The following GLDN variants were observed in gnomAD, a reference collection of about 807,000 sequenced individuals.
GLDN encodes the protein gliomedin.
In GLDN, 47 loss-of-function variants were observed where a neutral mutation model predicts 56.5. The ratio of observed to expected loss-of-function variants is 0.83; its 90% CI spans 0.66 to 1.06. The LOEUF (loss-of-function observed/expected upper bound fraction) is 1.06, where lower values mean the gene tolerates loss of function less well. Among genes scored for constraint, GLDN ranks in the 50% least tolerant of loss-of-function variants. The pLI is 0.00. For synonymous variants in GLDN, 332 were observed against 278.8 expected (o/e 1.19, Z -1.90); for missense variants, 782 against 714.3 (o/e 1.09, Z -1.08).
At chr15:51,345,589 G>A (rs906930911) in intron 1 of GLDN, among the ~76,000 whole-genome samples, 2 of 152,200 alleles carry the variant, frequency 1.3e-5, no homozygotes, top group Non-Finnish European at 2.9e-5. Context: ...GGGAATCAAT[G>A]TATTCTTTCT....
intron 2 of GLDN, among the ~76,000 whole-genome samples, chr15:51,381,202 A>G (rs970799976): frequency 2.0e-5 from 3 of 152,350 alleles, no homozygotes; most frequent in Admixed American, 1.3e-4. Flanking sequence ...GCTCTCACCA[A>G]CAGTACTGAT....
chr15:51,380,542 G>A (rs1332109719), intron 2 of GLDN, among the ~76,000 whole-genome samples: 2 of 152,174 alleles, frequency 1.3e-5, no homozygotes, highest in East Asian at 1.9e-4. Context: ...CTGAGAGGAC[G>A]GAGGACATCC....
chr15:51,355,531 T>C (rs2037159082), intron 1 of GLDN, among the ~76,000 whole-genome samples: 1 of 150,000 alleles, frequency 6.7e-6, no homozygotes, highest in African/African-American at 2.4e-5. Context: ...CTTTCTTTTT[T>C]TTTTTTTTTT....
At chr15:51,357,318 T>A (rs2141058878) in intron 1 of GLDN, among the ~76,000 whole-genome samples, 1 of 152,360 alleles carries the variant, frequency 6.6e-6, no homozygotes, top group South Asian at 2.1e-4. Flanking sequence ...AGACCATGAA[T>A]CCTTCAATTG....
At chr15:51,391,098 A>C (rs1490934571) in intron 4 of GLDN, among the ~76,000 whole-genome samples, 1 of 152,246 alleles carries the variant, frequency 6.6e-6, no homozygotes, top group Non-Finnish European at 1.5e-5. Context: ...GGGCAAAGGC[A>C]GACTCTATGT....
intron 1 of GLDN, among the ~76,000 whole-genome samples, chr15:51,344,355 C>T (rs920356028): frequency 5.9e-5 from 9 of 152,166 alleles, no homozygotes; most frequent in East Asian, 3.8e-4. Context: ...TGCTTCAGGA[C>T]GAGGAGCCAA....
At chr15:51,374,497 C>G (rs1021722209) in intron 1 of GLDN, among the ~76,000 whole-genome samples, 1 of 152,094 alleles carries the variant, frequency 6.6e-6, no homozygotes, top group African/African-American at 2.4e-5. Context: ...GGAGTTCAGT[C>G]CCATTTCTTC....
chr15:51,404,437 A>G lies in GLDN; in HGVS notation c.1339A>G (p.Ile447Val), dbSNP rs746170404. 6.2e-7 allele frequency: 1 copy of G among 1,614,188 alleles called. No homozygotes were observed. The highest frequency in any genetic ancestry group is 1.7e-5 in the Admixed American group (1 of 60,016). Residue 447 changes from isoleucine (I) to valine (V), a missense_variant, in exon 10 of 10, where the codon ATT (isoleucine) becomes GTT (valine). Physicochemically the swap from Ile to Val is conservative, Grantham distance 29 (BLOSUM62 3). Coordinates refer to ENST00000335449, the MANE Select transcript of GLDN (RefSeq NM_181789.4). ...TGCGTCAAGTGTGGACGGCTCGAGC[A>G]TTCTTGTAGCACAACTGGATGAGAG... ...IYASSVDGSS[I>V]LVAQLDERTF...
intron 4 of GLDN, among the ~76,000 whole-genome samples, chr15:51,387,706 G>A (rs1304121416): frequency 2.0e-5 from 3 of 152,096 alleles, no homozygotes; most frequent in Non-Finnish European, 4.4e-5. Flanking sequence ...GTGTGGGAGT[G>A]CATTCCACAA....
At chr15:51,354,853 T>C (rs2037144276) in intron 1 of GLDN, among the ~76,000 whole-genome samples, 1 of 152,110 alleles carries the variant, frequency 6.6e-6, no homozygotes, top group African/African-American at 2.4e-5. Context: ...GTTGGTGCAA[T>C]GCAGGAAAGA....
rs190096090 is a variant in GLDN, at chr15:51,378,859, G to A, written c.415+1359G>A. 2.7e-3 allele frequency among the ~76,000 whole-genome samples: 417 copies of A among 152,344 alleles called. 1 individual carries two copies. The highest frequency in any genetic ancestry group is 9.8e-3 in the African/African-American group (408 of 41,580). On this transcript the variant is annotated intron_variant, in intron 2 of 9. Coordinates refer to ENST00000335449, the MANE Select transcript of GLDN (RefSeq NM_181789.4). Reference sequence around the variant, plus strand: ...GTAGTGGGCAGCAAGGTGAGTGACAGGACCCAGGAATGAACTGGGTAGCTT... The same window carrying A: ...GTAGTGGGCAGCAAGGTGAGTGACAAGACCCAGGAATGAACTGGGTAGCTT...
chr15:51,383,328 A>G, intron 2 of GLDN, 108 bp from the exon 3 acceptor site: 2 of 1,197,484 alleles, frequency 1.7e-6, no homozygotes, highest in Non-Finnish European at 2.4e-6. Flanking sequence ...AAGGTGTCAA[A>G]TCCATTGCTT....
At position 51,373,259 on chromosome 15, in the gene GLDN, A is replaced by G. The variant is rs1175785505; in HGVS notation, c.364-4190A>G. Among the ~76,000 whole-genome samples the G allele has an allele frequency of 3.9e-5, 6 of 152,304 alleles. No homozygotes were observed. The East Asian group carries it at 1.2e-3, about 29-fold the overall frequency. ...ATCTGTGGGGGATTGGGTCCAGGAC[A>G]CCTGTGAATACCAAAATCCGCACAC... On this transcript the variant is annotated intron_variant, in intron 1 of 9. Coordinates refer to ENST00000335449, the MANE Select transcript of GLDN (RefSeq NM_181789.4).
At chr15:51,388,319 A>T (rs1011013837) in intron 4 of GLDN, among the ~76,000 whole-genome samples, 7 of 152,142 alleles carry the variant, frequency 4.6e-5, no homozygotes, top group African/African-American at 1.7e-4. Flanking sequence ...AAATCGACCC[A>T]CGGTGATTAT....
At chr15:51,412,326 T>A (rs1445128876), downstream of GLDN, among the ~76,000 whole-genome samples, 3 of 152,210 alleles carry the variant, frequency 2.0e-5, no homozygotes, top group African/African-American at 7.2e-5. Context: ...CCCTCTGACC[T>A]TTCTATTGTA....
chr15:51,382,500 G>A (rs1376467106), intron 2 of GLDN, among the ~76,000 whole-genome samples: 14 of 152,030 alleles, frequency 9.2e-5, no homozygotes, highest in South Asian at 4.2e-4. Context: ...GGCAGATCAC[G>A]AGTTCAGGAG....
Position 51,394,909 on chromosome 15 carries a change from A to T in GLDN, c.616A>T (p.Asn206Tyr). 6.2e-7 allele frequency: 1 copy of T among 1,613,002 alleles called. No individual in the cohort carries two copies. The highest frequency in any genetic ancestry group is 8.5e-7 in the Non-Finnish European group (1 of 1,179,356). ...CCATGGTGAACTGGGCCTGCAGGGA[A>T]ATGAGGGCCCACCAGGGCAGAAGGG... Reference protein sequence around the residue: ...GDHGELGLQGNEGPPGQKGEK... With the variant: ...GDHGELGLQGYEGPPGQKGEK... The change falls in exon 5 of 10, where the codon AAT becomes TAT. Residue 206 changes from asparagine (N) to tyrosine (Y), a missense_variant. Coordinates refer to ENST00000335449, the MANE Select transcript of GLDN (RefSeq NM_181789.4).
chr15:51,357,498 C>G (rs74016728), intron 1 of GLDN, among the ~76,000 whole-genome samples: 15 of 152,180 alleles, frequency 9.9e-5, no homozygotes, highest in African/African-American at 3.6e-4. Flanking sequence ...TTAAAAGTGA[C>G]AAGTGCAGCC....
chr15:51,389,336 CATGA>C (rs935338387), intron 4 of GLDN, among the ~76,000 whole-genome samples: 3 of 152,156 alleles, frequency 2.0e-5, no homozygotes, highest in African/African-American at 7.2e-5. Context: ...TGAATGCATG[CATGA>C]ATGAATGAAT....
Sources: allele counts gnomAD v4.1 joint callset (sites outside exome capture counted in the v4.1 genomes callset), GRCh38; gene constraint gnomAD v4.1.1; transcripts MANE v1.5; gene names NCBI Gene and HGNC (gene_info 2026-07-23, HGNC 2026-07-21).